The following LGSN variants were observed in gnomAD, a reference collection of about 807,000 sequenced individuals.
LGSN encodes the protein lengsin.
Under a neutral mutation model 19.5 loss-of-function variants are expected in LGSN, and 21 were observed. That is an observed-to-expected ratio of 1.07 (90% CI 0.76 to 1.55). LGSN has a LOEUF of 1.55. Ranked by LOEUF, LGSN falls within the 40% of genes most tolerant of loss-of-function variation. The pLI is 0.00. For synonymous variants in LGSN, 257 were observed against 215.6 expected, an observed-to-expected ratio of 1.19 and a Z score of -1.68; for missense variants, 673 against 608.5, an observed-to-expected ratio of 1.11 and a Z score of -1.12.
chr6:63,424,692 T>G, the LGSN span, among the ~76,000 whole-genome samples: 1 of 152,262 alleles, frequency 6.6e-6, no homozygotes, highest in Non-Finnish European at 1.5e-5. Context: ...GAATGAGGAT[T>G]TCTTGAGGCC....
chr6:63,478,659 T>C, the LGSN span, among the ~76,000 whole-genome samples: 2 of 152,188 alleles, frequency 1.3e-5, no homozygotes, highest in Admixed American at 1.3e-4. Flanking sequence ...ATTCTAATCA[T>C]ATAGACGATC....
chr6:63,441,729 A>G, the LGSN span: 1 of 410,424 alleles, frequency 2.4e-6, no homozygotes, highest in South Asian at 2.1e-5. Flanking sequence ...GAAACAAATT[A>G]GGCCCCCAAA....
At chr6:63,483,665 T>C in the LGSN span, among the ~76,000 whole-genome samples, 1 of 152,138 alleles carries the variant, frequency 6.6e-6, no homozygotes, top group Non-Finnish European at 1.5e-5. Context: ...CATGACAAAA[T>C]GTCACAGATG....
At chr6:63,391,660 C>T in the LGSN span, among the ~76,000 whole-genome samples, 38 of 152,306 alleles carry the variant, frequency 2.5e-4, no homozygotes, top group African/African-American at 7.7e-4. Flanking sequence ...ATCTGCTTTA[C>T]GGTTAGTCAA....
chr6:63,398,369 A>G, the LGSN span, among the ~76,000 whole-genome samples: 1 of 152,132 alleles, frequency 6.6e-6, no homozygotes, highest in South Asian at 2.1e-4. Context: ...GAGGAAGACA[A>G]TGATATTGAT....
At chr6:63,444,760 G>A in the LGSN span, among the ~76,000 whole-genome samples, 3 of 152,054 alleles carry the variant, frequency 2.0e-5, no homozygotes, top group Admixed American at 2.0e-4. Context: ...ATTCTTCTCA[G>A]TTAAATCCCT....
chr6:63,393,043 C>T, the LGSN span, among the ~76,000 whole-genome samples: 17 of 151,852 alleles, frequency 1.1e-4, no homozygotes, highest in East Asian at 1.9e-4. Context: ...CCCACCACCA[C>T]GCCCGGCTAA....
At chr6:63,389,450 C>T in the LGSN span, among the ~76,000 whole-genome samples, 1 of 152,266 alleles carries the variant, frequency 6.6e-6, no homozygotes, top group South Asian at 2.1e-4. Flanking sequence ...GCAAAACAAT[C>T]CCACCGTCTT....
chr6:63,381,788 G>A, the LGSN span, among the ~76,000 whole-genome samples: 1 of 152,192 alleles, frequency 6.6e-6, no homozygotes, highest in African/African-American at 2.4e-5. Flanking sequence ...GACACAGCAA[G>A]CAATGGAGCT....
At chr6:63,561,926 A>G in the LGSN span, among the ~76,000 whole-genome samples, 6 of 152,238 alleles carry the variant, frequency 3.9e-5, no homozygotes, top group Non-Finnish European at 8.8e-5. Flanking sequence ...CAATAAGGCT[A>G]CAGACCTATC....
the LGSN span, among the ~76,000 whole-genome samples, chr6:63,543,875 T>G: frequency 6.6e-6 from 1 of 152,240 alleles, no homozygotes. Flanking sequence ...ATTTTACTCT[T>G]CGTGTTTATT....
the LGSN span, among the ~76,000 whole-genome samples, chr6:63,509,505 C>T: frequency 5.3e-5 from 8 of 151,982 alleles, no homozygotes; most frequent in Middle Eastern, 0.01. Flanking sequence ...TTGTAGAAAT[C>T]GACATTAAAA....
chr6:63,489,471 C>A, the LGSN span, among the ~76,000 whole-genome samples: 2 of 151,654 alleles, frequency 1.3e-5, no homozygotes, highest in Non-Finnish European at 2.9e-5. Context: ...CAGGCTCAAG[C>A]AATTCTCATG....
chr6:63,539,328 A>T, the LGSN span, among the ~76,000 whole-genome samples: 1 of 152,252 alleles, frequency 6.6e-6, no homozygotes, highest in Non-Finnish European at 1.5e-5. Flanking sequence ...AACCTGAAGG[A>T]TTAAACATTA....
At chr6:63,526,803 G>GTATATATATA in the LGSN span, among the ~76,000 whole-genome samples, 913 of 101,320 alleles carry the variant, frequency 9.0e-3, 7 homozygotes, top group East Asian at 0.016. Flanking sequence ...TCTCAAAAAT[G>GTATATATATA]TATATATATA....
chr6:63,550,476 A>G, the LGSN span: 6 of 152,208 alleles, frequency 3.9e-5, no homozygotes, highest in East Asian at 1.9e-4. Flanking sequence ...TGAAGAAAGA[A>G]CCCTGCTACA....
the LGSN span, among the ~76,000 whole-genome samples, chr6:63,370,049 G>T: frequency 6.6e-6 from 1 of 152,016 alleles, no homozygotes; most frequent in East Asian, 1.9e-4. Context: ...GAAGAAGAAA[G>T]AAAAGTCACA....
chr6:63,447,132 C>T, the LGSN span, among the ~76,000 whole-genome samples: 20 of 152,290 alleles, frequency 1.3e-4, no homozygotes, highest in African/African-American at 3.8e-4. Flanking sequence ...TTTGTTGGTT[C>T]GTTTTGGAAA....
the LGSN span, among the ~76,000 whole-genome samples, chr6:63,342,382 G>A: frequency 6.6e-6 from 1 of 152,066 alleles, no homozygotes; most frequent in Non-Finnish European, 1.5e-5. Context: ...TATTATTTAT[G>A]TATTGGCATA....
Sources: allele counts gnomAD v4.1 joint callset (sites outside exome capture counted in the v4.1 genomes callset), GRCh38; gene constraint gnomAD v4.1.1; transcripts MANE v1.5; gene names NCBI Gene and HGNC (gene_info 2026-07-23, HGNC 2026-07-21).